ATXN1: variants seen among roughly 807,000 people sequenced by gnomAD.
ATXN1 encodes the protein ataxin 1, also known as ataxin-1.
A neutral mutation model predicts 56.4 loss-of-function variants in ATXN1; 8 were observed. The observed-to-expected ratio is 0.14, with a 90% CI of 0.08 to 0.26. ATXN1 has a LOEUF of 0.26. ATXN1 is among the 10% of genes least tolerant of loss of function. ATXN1 has a pLI of 1.00. For missense variants in ATXN1, 987 were observed against 1,106.5 expected (o/e 0.89, Z 1.53); for synonymous variants, 514 against 494.6 (o/e 1.04, Z -0.52).
intron 3 of ATXN1, among the ~76,000 whole-genome samples, chr6:16,596,501 C>T (rs765714227): frequency 2.0e-5 from 3 of 152,158 alleles, no homozygotes; most frequent in Admixed American, 6.6e-5. Flanking sequence ...TAAAACACAG[C>T]CATTCTCCAC....
At chr6:16,366,790 A>G (rs571218388) in intron 6 of ATXN1, among the ~76,000 whole-genome samples, 56 of 152,014 alleles carry the variant, frequency 3.7e-4, no homozygotes, top group African/African-American at 5.8e-4. Context: ...GAAAAAAAAA[A>G]AAAAAGAAAA....
chr6:16,588,045 C>A (rs1331554084), intron 3 of ATXN1, among the ~76,000 whole-genome samples: 1 of 120,518 alleles, frequency 8.3e-6, no homozygotes, highest in East Asian at 2.1e-4. Flanking sequence ...TTCTGGAAAT[C>A]TAAGCAGAAT....
chr6:16,398,670 G>GA (rs1329081458), intron 6 of ATXN1, among the ~76,000 whole-genome samples: 2 of 152,010 alleles, frequency 1.3e-5, no homozygotes, highest in Non-Finnish European at 2.9e-5. Context: ...CAAAAAAGAA[G>GA]AAAAAAATCC....
At chr6:16,690,802 A>G (rs576895315) in intron 2 of ATXN1, among the ~76,000 whole-genome samples, 1 of 152,320 alleles carries the variant, frequency 6.6e-6, no homozygotes, top group East Asian at 1.9e-4. Flanking sequence ...TGCTGCCTGG[A>G]GCGAGACCTG....
intron 6 of ATXN1, among the ~76,000 whole-genome samples, chr6:16,437,416 C>T (rs953470604): frequency 1.3e-5 from 2 of 152,216 alleles, no homozygotes; most frequent in African/African-American, 2.4e-5. Flanking sequence ...CTGTGCGGCA[C>T]AGGTGCACAG....
chr6:16,362,238 C>T (rs1340985646), intron 6 of ATXN1, among the ~76,000 whole-genome samples: 1 of 152,152 alleles, frequency 6.6e-6, no homozygotes, highest in African/African-American at 2.4e-5. Flanking sequence ...CTTGATCTGA[C>T]TGGACGGATG....
chr6:16,348,239 CTTT>C (rs1455622012), intron 6 of ATXN1, among the ~76,000 whole-genome samples: 1 of 152,232 alleles, frequency 6.6e-6, no homozygotes, highest in Admixed American at 6.5e-5. Flanking sequence ...ACATTTTAAA[CTTT>C]TTTATTCAGA....
intron 4 of ATXN1, among the ~76,000 whole-genome samples, chr6:16,567,994 A>T (rs1010133790): frequency 6.6e-6 from 1 of 152,162 alleles, no homozygotes; most frequent in Non-Finnish European, 1.5e-5. Flanking sequence ...CACACAAAAG[A>T]GAATTATAAA....
chr6:16,343,422 G>GC (rs1761302381), intron 6 of ATXN1, among the ~76,000 whole-genome samples: 1 of 152,060 alleles, frequency 6.6e-6, no homozygotes, highest in Non-Finnish European at 1.5e-5. Context: ...ACCACACAGC[G>GC]CCCCGCTCCC....
At chr6:16,515,825 G>A (rs1761172235) in intron 5 of ATXN1, among the ~76,000 whole-genome samples, 1 of 152,196 alleles carries the variant, frequency 6.6e-6, no homozygotes, top group African/African-American at 2.4e-5. Context: ...GCAGGAGGGG[G>A]ATGGTATAGG....
rs1170369947 is a variant in ATXN1, at chr6:16,615,469, A to G, written c.-488-29562T>C. 10 of 133,676 alleles carry G rather than the reference A, an allele frequency of 7.5e-5. 1 individual carries two copies. Among genetic ancestry groups the G allele is most frequent in the Non-Finnish European group, 1.5e-4 (9 of 60,970 alleles). The allele number at this position is 133,676 out of a possible 1,614,324, so 8.3% of individuals were successfully genotyped here. On this transcript the variant is annotated intron_variant, in intron 3 of 7. Coordinates refer to ENST00000436367, the MANE Select transcript of ATXN1 (RefSeq NM_001128164.2). ...GGTGACAATTGGTGCACTCAGCTCT[A>G]CCTCTTGGTGGGCCCCAGTATACTT... is the stretch of plus-strand genomic sequence containing the variant.
At chr6:16,704,598 C>T (rs931053536) in intron 2 of ATXN1, among the ~76,000 whole-genome samples, 6 of 152,192 alleles carry the variant, frequency 3.9e-5, no homozygotes, top group East Asian at 1.9e-4. Flanking sequence ...TCCCACACTC[C>T]GGTCGGTAAT....
At chr6:16,735,030 T>C (rs560037633) in intron 2 of ATXN1, among the ~76,000 whole-genome samples, 25 of 152,312 alleles carry the variant, frequency 1.6e-4, no homozygotes, top group South Asian at 1.0e-3. Flanking sequence ...GTAAAAACAA[T>C]TTTTGAACAT....
At chr6:16,444,914 C>T (rs1262783406) in intron 6 of ATXN1, among the ~76,000 whole-genome samples, 1 of 152,150 alleles carries the variant, frequency 6.6e-6, no homozygotes, top group Non-Finnish European at 1.5e-5. Context: ...CCTAGCAATT[C>T]CCAAGAAATT....
chr6:16,531,623 CAA>C (rs5874561), intron 4 of ATXN1, among the ~76,000 whole-genome samples: 150 of 102,508 alleles, frequency 1.5e-3, no homozygotes, highest in African/African-American at 2.8e-3. Context: ...AACTGTGTCT[CAA>C]AAAAAAAAAA....
chr6:16,340,746 G>A (rs1761227601), intron 6 of ATXN1, among the ~76,000 whole-genome samples: 1 of 152,208 alleles, frequency 6.6e-6, no homozygotes, highest in South Asian at 2.1e-4. Flanking sequence ...CAACGTTGAA[G>A]TAACATCCAT....
At chr6:16,340,436 C>G (rs60968679) in intron 6 of ATXN1, among the ~76,000 whole-genome samples, 4,673 of 152,288 alleles carry the variant, frequency 0.031, 214 homozygotes, top group African/African-American at 0.1. Context: ...TGCTGTTCAT[C>G]ACTTCATGGG....
intron 1 of ATXN1, 178 bp downstream of exon 1, chr6:16,761,120 T>C: frequency 2.7e-6 from 1 of 365,912 alleles, no homozygotes; most frequent in East Asian, 7.3e-5. Flanking sequence ...GTCGATTTCC[T>C]TCGCTCCTCT....
At chr6:16,345,682 G>C (rs1374820471) in intron 6 of ATXN1, among the ~76,000 whole-genome samples, 1 of 152,188 alleles carries the variant, frequency 6.6e-6, no homozygotes, top group Non-Finnish European at 1.5e-5. Flanking sequence ...TTCAGAATGA[G>C]GCTGCAGTGT....
Sources: allele counts gnomAD v4.1 joint callset (sites outside exome capture counted in the v4.1 genomes callset), GRCh38; gene constraint gnomAD v4.1.1; transcripts MANE v1.5; gene names NCBI Gene and HGNC (gene_info 2026-07-23, HGNC 2026-07-21).